The following PPP2R2B variants were observed in gnomAD, a reference collection of about 807,000 sequenced individuals.
The protein encoded by PPP2R2B is protein phosphatase 2 regulatory subunit Bbeta.
PPP2R2B carries 5 observed loss-of-function variants against 46.0 expected under a neutral mutation model. The observed-to-expected ratio is 0.11, with a 90% CI of 0.06 to 0.23. The LOEUF is 0.23. Ranked by LOEUF, PPP2R2B falls within the 10% of genes least tolerant of loss-of-function variation. The probability of loss-of-function intolerance (pLI) is 1.00; values close to 1 mark genes in which losing one functional copy is unlikely to be tolerated. For synonymous variants in PPP2R2B, 215 were observed against 206.7 expected (o/e 1.04, Z -0.34); for missense variants, 367 against 575.0 (o/e 0.64, Z 3.70).
intron 2 of PPP2R2B, among the ~76,000 whole-genome samples, chr5:146,738,097 T>C (rs560905688): frequency 6.6e-6 from 1 of 152,002 alleles, no homozygotes; most frequent in Non-Finnish European, 1.5e-5. Context: ...TTAGGTGATA[T>C]AAAAAATCTT....
chr5:146,896,592 C>A (rs1190908194), intron 1 of PPP2R2B, among the ~76,000 whole-genome samples: 1 of 152,124 alleles, frequency 6.6e-6, no homozygotes, highest in African/African-American at 2.4e-5. Flanking sequence ...AGAAGCTATT[C>A]AGTTTGAAAT....
Position 146,626,390 on chromosome 5 carries a change from GA to G in PPP2R2B, c.790+11860del, listed in dbSNP as rs201626725. 9.3e-3 allele frequency among the ~76,000 whole-genome samples: 1,421 copies of G among 152,178 alleles called. 16 individuals are homozygous for G. The highest frequency in any genetic ancestry group is 0.014 in the Non-Finnish European group (947 of 67,996). ...GATTAATTCCTTGGCACCACAAATG[GA>G]AAAATGGTCATAAAACACAGACTTA... On this transcript the variant is annotated intron_variant, in intron 7 of 9. Coordinates refer to ENST00000394411, the MANE Select transcript of PPP2R2B (RefSeq NM_181675.4).
intron 2 of PPP2R2B, among the ~76,000 whole-genome samples, chr5:147,071,319 C>A (rs1278764848): frequency 1.3e-5 from 2 of 152,148 alleles, no homozygotes; most frequent in Admixed American, 6.5e-5. Context: ...ATTGCAATAA[C>A]CTTTCAACCG....
At position 147,075,561 on chromosome 5, in the gene PPP2R2B, C is replaced by A. The variant is rs562396998; in HGVS notation, c.50+5498G>T. Among the ~76,000 whole-genome samples, 24 of 152,156 alleles carry A rather than the reference C, an allele frequency of 1.6e-4. No individual in the cohort carries two copies. In the South Asian group the frequency reaches 5.0e-3, roughly 32 times the overall value. On this transcript the variant is annotated intron_variant, in intron 2 of 10. Transcript: ENST00000394413. ...TACAACTTCCTTCTTGATGTTTATA[C>A]CTTTGTACCTCATAGCTACTTCCTA...
At chr5:146,873,921 T>C (rs1275291393) in intron 2 of PPP2R2B, among the ~76,000 whole-genome samples, 1 of 152,262 alleles carries the variant, frequency 6.6e-6, no homozygotes, top group Non-Finnish European at 1.5e-5. Flanking sequence ...TCCCTGTTCC[T>C]AGCCATAGTC....
chr5:146,783,691 T>A (rs973676839), intron 2 of PPP2R2B, among the ~76,000 whole-genome samples: 1 of 152,176 alleles, frequency 6.6e-6, no homozygotes, highest in Non-Finnish European at 1.5e-5. Context: ...GGTCAACAGA[T>A]ACAAGATTGC....
chr5:146,934,141 T>C (rs543057001), intron 1 of PPP2R2B, among the ~76,000 whole-genome samples: 2 of 152,282 alleles, frequency 1.3e-5, no homozygotes, highest in South Asian at 2.1e-4. Context: ...GCAATAAATA[T>C]ATGTGTGCAT....
At chr5:146,748,808 T>C (rs1413177986) in intron 2 of PPP2R2B, among the ~76,000 whole-genome samples, 1 of 152,230 alleles carries the variant, frequency 6.6e-6, no homozygotes, top group East Asian at 1.9e-4. Flanking sequence ...GTTTCCAGTT[T>C]TTTGGTAATT....
chr5:146,755,231 C>G (rs1208859368), intron 2 of PPP2R2B, among the ~76,000 whole-genome samples: 1 of 152,076 alleles, frequency 6.6e-6, no homozygotes, highest in African/African-American at 2.4e-5. Flanking sequence ...GTTATACATG[C>G]ATTCATACAT....
At chr5:146,781,541 T>C (rs1755531954) in intron 2 of PPP2R2B, among the ~76,000 whole-genome samples, 1 of 151,728 alleles carries the variant, frequency 6.6e-6, no homozygotes, top group Admixed American at 6.6e-5. Context: ...CTCATCTAAA[T>C]TCCTAGCTTC....
intron 1 of PPP2R2B, among the ~76,000 whole-genome samples, chr5:146,911,685 C>T (rs1763188680): frequency 6.6e-6 from 1 of 152,208 alleles, no homozygotes; most frequent in Admixed American, 6.5e-5. Flanking sequence ...GCTTGTCTTC[C>T]TCATAGTGAA....
chr5:146,699,323 G>A (rs1446488622), intron 3 of PPP2R2B, among the ~76,000 whole-genome samples: 2 of 152,098 alleles, frequency 1.3e-5, no homozygotes, highest in Non-Finnish European at 2.9e-5. Context: ...TCAAAAGCAG[G>A]TCTGCCCTAG....
chr5:147,054,794 A>G (rs911121064), intron 1 of PPP2R2B: 6 of 427,924 alleles, frequency 1.4e-5, no homozygotes, highest in Non-Finnish European at 2.8e-5. Context: ...TGCCACTAGT[A>G]GGACAATCCT....
At chr5:146,913,138 T>C (rs1224374883) in intron 1 of PPP2R2B, among the ~76,000 whole-genome samples, 2 of 152,222 alleles carry the variant, frequency 1.3e-5, no homozygotes, top group Non-Finnish European at 2.9e-5. Context: ...AATGAGTTTA[T>C]ATTCGGCGGA....
chr5:146,700,689 A>G (rs1159981300), intron 3 of PPP2R2B, among the ~76,000 whole-genome samples: 2 of 152,160 alleles, frequency 1.3e-5, no homozygotes, highest in South Asian at 2.1e-4. Flanking sequence ...ATATTCTGGC[A>G]CACCTGAAAT....
At chr5:146,851,495 A>C (rs1760349269) in intron 2 of PPP2R2B, among the ~76,000 whole-genome samples, 1 of 152,106 alleles carries the variant, frequency 6.6e-6, no homozygotes, top group African/African-American at 2.4e-5. Context: ...CTTCATCATG[A>C]TTGTAAGTGA....
chr5:146,790,851 T>C (rs1756153781), intron 2 of PPP2R2B, among the ~76,000 whole-genome samples: 1 of 152,202 alleles, frequency 6.6e-6, no homozygotes, highest in African/African-American at 2.4e-5. Flanking sequence ...GACAGTGTTT[T>C]GGGGACAGAA....
At chr5:146,792,300 T>G (rs1561910529) in intron 2 of PPP2R2B, among the ~76,000 whole-genome samples, 1 of 152,218 alleles carries the variant, frequency 6.6e-6, no homozygotes, top group Non-Finnish European at 1.5e-5. Context: ...GACAAAATGT[T>G]AAATAGTTCA....
chr5:146,925,537 G>A lies in PPP2R2B; in HGVS notation c.79+130128C>T, dbSNP rs573177490. Among the ~76,000 whole-genome samples, 225 of 152,260 alleles carry A rather than the reference G, an allele frequency of 1.5e-3. 1 individual carries two copies. Among genetic ancestry groups the A allele is most frequent in the African/African-American group, 5.0e-3 (209 of 41,564 alleles). ...ATGGATGCTCACCTTTCTATGGTGC[G>A]TGCTATTCTTCTTGCTGCTTTCAAG... On this transcript the variant is annotated intron_variant, in intron 1 of 8. Transcript: ENST00000336640.
Sources: allele counts gnomAD v4.1 joint callset (sites outside exome capture counted in the v4.1 genomes callset), GRCh38; gene constraint gnomAD v4.1.1; transcripts MANE v1.5; gene names NCBI Gene and HGNC (gene_info 2026-07-23, HGNC 2026-07-21).